The following ANKS1B variants were observed in gnomAD, a reference collection of about 807,000 sequenced individuals.
ANKS1B encodes ankyrin repeat and sterile alpha motif domain-containing protein 1B.
Under a neutral mutation model 148.3 loss-of-function variants are expected in ANKS1B, and 36 were observed. The ratio of observed to expected loss-of-function variants is 0.24; its 90% CI spans 0.19 to 0.32. The LOEUF is 0.32. ANKS1B is among the 10% of genes least tolerant of loss of function. The probability of loss-of-function intolerance (pLI) is 1.00; values close to 1 mark genes in which losing one functional copy is unlikely to be tolerated. For synonymous variants in ANKS1B, 542 were observed against 560.8 expected, an observed-to-expected ratio of 0.97 and a Z score of 0.47; for missense variants, 1,157 against 1,542.6, an observed-to-expected ratio of 0.75 and a Z score of 4.19.
chr12:99,745,303 A>C (rs1047696671), intron 8 of ANKS1B, among the ~76,000 whole-genome samples: 16 of 152,236 alleles, frequency 1.1e-4, no homozygotes, highest in African/African-American at 3.9e-4. Flanking sequence ...TTGCAACATA[A>C]CAAACTAATG....
chr12:99,894,052 G>A (rs566406242), intron 1 of ANKS1B, among the ~76,000 whole-genome samples: 13 of 152,082 alleles, frequency 8.5e-5, no homozygotes, highest in African/African-American at 3.1e-4. Context: ...AAAACCTGAA[G>A]AGATTTGTAA....
intron 10 of ANKS1B, among the ~76,000 whole-genome samples, chr12:99,456,212 G>C (rs1595121616): frequency 6.6e-6 from 1 of 152,194 alleles, no homozygotes; most frequent in South Asian, 2.1e-4. Flanking sequence ...CCATCCCTAG[G>C]GGAAAGGGAA....
At chr12:99,442,613 T>C (rs2095567705) in intron 11 of ANKS1B, among the ~76,000 whole-genome samples, 1 of 151,916 alleles carries the variant, frequency 6.6e-6, no homozygotes, top group African/African-American at 2.4e-5. Flanking sequence ...CTTGAATTGA[T>C]GAAGGATATA....
At chr12:99,966,838 A>AAC (rs2095490516) in intron 1 of ANKS1B, among the ~76,000 whole-genome samples, 1 of 151,486 alleles carries the variant, frequency 6.6e-6, no homozygotes, top group South Asian at 2.1e-4. Flanking sequence ...ACTTCCGTGG[A>AAC]ACACAATTTT....
chr12:98,789,358 C>T (rs1456465680), intron 22 of ANKS1B, among the ~76,000 whole-genome samples: 1 of 151,764 alleles, frequency 6.6e-6, no homozygotes, highest in East Asian at 1.9e-4. Context: ...AAACAAAAAA[C>T]CTGAAAAAAC....
intron 8 of ANKS1B, among the ~76,000 whole-genome samples, chr12:99,743,982 C>T (rs909753313): frequency 2.0e-5 from 3 of 152,020 alleles, no homozygotes; most frequent in South Asian, 2.1e-4. Flanking sequence ...ATGGTGATAC[C>T]AGAAAGATAT....
intron 17 of ANKS1B, among the ~76,000 whole-genome samples, chr12:98,836,201 T>C (rs17028726): frequency 0.055 from 8,327 of 152,264 alleles, 419 homozygotes; most frequent in African/African-American, 0.13. Context: ...CTTCTTAAGA[T>C]GTTGCTTCTT....
intron 17 of ANKS1B, among the ~76,000 whole-genome samples, chr12:98,842,787 G>A (rs1202291730): frequency 2.0e-5 from 3 of 152,158 alleles, no homozygotes; most frequent in African/African-American, 7.2e-5. Context: ...AATGTGACCT[G>A]CAGGGTAGCT....
intron 9 of ANKS1B, among the ~76,000 whole-genome samples, chr12:99,602,008 G>A (rs538031859): frequency 5.3e-4 from 80 of 152,140 alleles, no homozygotes; most frequent in African/African-American, 1.8e-3. Context: ...ATATTTCTAG[G>A]TTTTATGTCT....
At chr12:99,445,222 A>G (rs1181832659) in intron 10 of ANKS1B, among the ~76,000 whole-genome samples, 2 of 151,960 alleles carry the variant, frequency 1.3e-5, no homozygotes, top group African/African-American at 4.8e-5. Flanking sequence ...ATTCTCTCCA[A>G]CCTATCCCTT....
At chr12:99,457,029 T>C (rs1206269651) in intron 10 of ANKS1B, among the ~76,000 whole-genome samples, 2 of 152,102 alleles carry the variant, frequency 1.3e-5, no homozygotes, top group Admixed American at 6.5e-5. Context: ...AGATAACCTA[T>C]AAAGGAAAAC....
intron 17 of ANKS1B, among the ~76,000 whole-genome samples, chr12:99,025,437 C>T (rs145441923): frequency 1.2e-4 from 19 of 152,244 alleles, no homozygotes; most frequent in Middle Eastern, 6.8e-3. Context: ...ATCAGAAAAA[C>T]GGATCGTCAT....
At chr12:99,532,738 C>T (rs1453051668) in intron 9 of ANKS1B, among the ~76,000 whole-genome samples, 1 of 152,086 alleles carries the variant, frequency 6.6e-6, no homozygotes, top group African/African-American at 2.4e-5. Context: ...TTCTTCTATA[C>T]GTGGCTATTC....
At position 99,399,734 on chromosome 12, in the gene ANKS1B, G is replaced by A. The variant is rs764809705; in HGVS notation, c.1653C>T (p.Asn551=). The A allele has an allele frequency of 6.2e-7, 1 of 1,613,466 alleles. No individual in the cohort carries two copies. The highest frequency in any genetic ancestry group is 8.5e-7 in the Non-Finnish European group (1 of 1,179,510). The stretch of plus-strand genomic sequence containing the variant: ...TAAAGCTTGTGCACCCTGTAGATGT[G>A]TTGATTTCAAAATATTCTTGGTTGT... ...MNHNQEYFEI[N]TSTGCTSFTA... Residue 551 remains asparagine (N), a synonymous_variant, in exon 12 of 27, where the codon AAC becomes AAT. Coordinates refer to ENST00000683438, the MANE Select transcript of ANKS1B (RefSeq NM_001352186.2).
chr12:99,641,132 C>G (rs746762858), intron 9 of ANKS1B, among the ~76,000 whole-genome samples: 1 of 152,090 alleles, frequency 6.6e-6, no homozygotes, highest in African/African-American at 2.4e-5. Flanking sequence ...TACATACTGC[C>G]AATCCTACCA....
At chr12:99,203,015 T>A (rs1239358727) in intron 14 of ANKS1B, among the ~76,000 whole-genome samples, 1 of 152,218 alleles carries the variant, frequency 6.6e-6, no homozygotes, top group Non-Finnish European at 1.5e-5. Flanking sequence ...AATACATTAC[T>A]TCTACCACTT....
At chr12:98,960,211 G>A (rs532141034) in intron 17 of ANKS1B, among the ~76,000 whole-genome samples, 2 of 152,324 alleles carry the variant, frequency 1.3e-5, no homozygotes, top group East Asian at 3.9e-4. Flanking sequence ...GTCTGACCTA[G>A]CACAGTCCCA....
chr12:98,854,986 C>T (rs577521725), intron 17 of ANKS1B, among the ~76,000 whole-genome samples: 9 of 151,948 alleles, frequency 5.9e-5, no homozygotes, highest in African/African-American at 1.4e-4. Flanking sequence ...GGTGAAACCC[C>T]GTCTCTACTA....
At chr12:98,878,365 C>A (rs1206864233) in intron 17 of ANKS1B, among the ~76,000 whole-genome samples, 2 of 142,350 alleles carry the variant, frequency 1.4e-5, no homozygotes, top group South Asian at 2.2e-4. Context: ...CAGAATGAGA[C>A]CCTGTCTCAA....
Sources: allele counts gnomAD v4.1 joint callset (sites outside exome capture counted in the v4.1 genomes callset), GRCh38; gene constraint gnomAD v4.1.1; transcripts MANE v1.5; gene names NCBI Gene and HGNC (gene_info 2026-07-23, HGNC 2026-07-21).